The following DEAF1 variants were observed in gnomAD, a reference collection of about 807,000 sequenced individuals.
DEAF1 encodes deformed epidermal autoregulatory factor 1 homolog.
Under a neutral mutation model 58.9 loss-of-function variants are expected in DEAF1, and 53 were observed. The ratio of observed to expected loss-of-function variants is 0.90; its 90% confidence interval spans 0.72 to 1.13. DEAF1 has a LOEUF of 1.13. DEAF1 is among the 50% of genes most tolerant of loss of function. The pLI, the probability that DEAF1 is intolerant of heterozygous loss-of-function variation, is 0.00. For synonymous variants in DEAF1, 385 were observed against 340.4 expected (o/e 1.13, Z -1.44); for missense variants, 685 against 791.4 (o/e 0.87, Z 1.61).
rs571891230 is a variant in DEAF1, at chr11:661,935, C to T, written c.1504-7884G>A. 2.6e-4 allele frequency among the ~76,000 whole-genome samples: 40 copies of T among 152,312 alleles called. 1 individual carries two copies. Among genetic ancestry groups the T allele is most frequent in the Admixed American group, 3.9e-4 (6 of 15,304 alleles). On this transcript the variant is annotated intron_variant, in intron 10 of 11. Coordinates refer to ENST00000382409, the MANE Select transcript of DEAF1 (RefSeq NM_021008.4). The stretch of plus-strand genomic sequence containing the variant: ...GCACAAAGCAAGCTTGTCCAACCCA[C>T]AGCCCGCGGGCTGCATGCAGCCCAG...
intron 10 of DEAF1, among the ~76,000 whole-genome samples, chr11:662,107 G>A (rs1388803296): frequency 6.6e-6 from 1 of 152,128 alleles, no homozygotes; most frequent in Non-Finnish European, 1.5e-5. Context: ...GACCAGCCTG[G>A]CCAACATGGC....
intron 1 of DEAF1, chr11:704,022 C>T: frequency 8.4e-7 from 1 of 1,196,518 alleles, no homozygotes; most frequent in Non-Finnish European, 1.0e-6. Flanking sequence ...TTTCCCTTCA[C>T]TTGATTCTAT....
intron 7 of DEAF1, 130 bp downstream of exon 7, chr11:680,833 T>C: frequency 2.2e-6 from 3 of 1,360,028 alleles, no homozygotes; most frequent in East Asian, 2.4e-5. Context: ...TGTGATGGCG[T>C]TGGAATCCCT....
At chr11:662,356 A>G (rs959952301) in intron 10 of DEAF1, among the ~76,000 whole-genome samples, 1 of 152,210 alleles carries the variant, frequency 6.6e-6, no homozygotes, top group Non-Finnish European at 1.5e-5. Context: ...CCCAGGGAAG[A>G]GAAAAGATTG....
Position 657,138 on chromosome 11 carries a change from C to T in DEAF1, c.1504-3087G>A, listed in dbSNP as rs546703276. 3.3e-5 allele frequency among the ~76,000 whole-genome samples: 5 copies of T among 152,226 alleles called. No individual in the cohort carries two copies. In the South Asian group the frequency reaches 1.0e-3, roughly 32 times the overall value. On this transcript the variant is annotated intron_variant, in intron 10 of 11. Transcript: ENST00000382409. ...CCTGGCACCCACCTGGCACCCAGGC[C>T]TCACTCTCTAAGACTTCCCAATAAA...
chr11:653,878 G>A, intron 11 of DEAF1, 84 bp downstream of exon 11: 1 of 1,204,822 alleles, frequency 8.3e-7, no homozygotes, highest in Non-Finnish European at 1.2e-6. Context: ...GGCACCAGGA[G>A]CACAAGGGGA....
At chr11:706,708 C>T (rs1266713257) in exon 1 of DEAF1, 4 of 152,278 alleles carry the variant, frequency 2.6e-5, no homozygotes, top group Non-Finnish European at 4.4e-5. Flanking sequence ...GTGGAGGTAG[C>T]ACTGCACACC....
At chr11:648,156 T>C (rs1029831413) in intron 11 of DEAF1, among the ~76,000 whole-genome samples, 8 of 151,812 alleles carry the variant, frequency 5.3e-5, no homozygotes, top group South Asian at 2.1e-4. Flanking sequence ...TTTGTGTACA[T>C]ACCAAGTCCT....
intron 10 of DEAF1, among the ~76,000 whole-genome samples, chr11:661,847 G>C (rs566440895): frequency 6.6e-6 from 1 of 152,318 alleles, no homozygotes; most frequent in African/African-American, 2.4e-5. Context: ...TCCATTCAGA[G>C]ACAGCAGTGT....
intron 1 of DEAF1, among the ~76,000 whole-genome samples, chr11:702,554 T>G (rs1344487448): frequency 2.0e-5 from 3 of 152,250 alleles, no homozygotes; most frequent in Admixed American, 6.5e-5. Flanking sequence ...AGAACTGGCC[T>G]TGGACCAGAG....
chr11:695,937 C>T, upstream of DEAF1: 1 of 1,003,324 alleles, frequency 1.0e-6, no homozygotes, highest in Non-Finnish European at 1.3e-6. Flanking sequence ...TTTCGGTGCG[C>T]TCACGGGGCC....
intron 9 of DEAF1, among the ~76,000 whole-genome samples, chr11:677,704 C>A (rs28415441): frequency 9.8e-6 from 1 of 102,454 alleles, no homozygotes; most frequent in Middle Eastern, 5.6e-3. Context: ...CCTGTAATCC[C>A]AGCACTTTGG....
chr11:681,417 T>C lies in DEAF1; in HGVS notation c.871-328A>G, dbSNP rs1360308255. ...CGGCTAATTTTCTTTCTTTCTTTTT[T>C]TTTTTTTTTTTGAGACAGAGTCTCG... On this transcript the variant is annotated intron_variant, in intron 6 of 11. Transcript: ENST00000382409. Among the ~76,000 whole-genome samples, 5 of 150,590 alleles carry C rather than the reference T, an allele frequency of 3.3e-5. No individual in the cohort carries two copies. In the East Asian group the frequency reaches 5.8e-4, roughly 18 times the overall value.
chr11:686,281 G>A (rs1435075307), intron 5 of DEAF1, among the ~76,000 whole-genome samples: 3 of 132,906 alleles, frequency 2.3e-5, no homozygotes, highest in African/African-American at 8.2e-5. Context: ...AACAGGGTGA[G>A]ACTCTGTCTC....
intron 1 of DEAF1, chr11:703,841 C>G: frequency 8.1e-7 from 1 of 1,236,032 alleles, no homozygotes; most frequent in East Asian, 3.1e-5. Context: ...GGGGATGAGA[C>G]TGCAGGAGAG....
intron 10 of DEAF1, among the ~76,000 whole-genome samples, chr11:667,333 AAAG>A (rs1233361903): frequency 7.0e-6 from 1 of 142,116 alleles, no homozygotes; most frequent in Admixed American, 6.9e-5. Flanking sequence ...AAGAAAGAAA[AAAG>A]AAGGAAGGAA....
intron 10 of DEAF1, among the ~76,000 whole-genome samples, chr11:660,542 A>C (rs1859275394): frequency 6.6e-6 from 1 of 152,176 alleles, no homozygotes; most frequent in African/African-American, 2.4e-5. Flanking sequence ...CCAAGCCTGC[A>C]TTTCCGGGGG....
chr11:687,138 G>A, intron 4 of DEAF1, 141 bp from the exon 5 acceptor site: 1 of 1,261,856 alleles, frequency 7.9e-7, no homozygotes, highest in Non-Finnish European at 1.1e-6. Flanking sequence ...CACATACTTG[G>A]CCCTGACAGG....
intron 11 of DEAF1, among the ~76,000 whole-genome samples, chr11:651,832 G>A (rs1333105007): frequency 1.3e-5 from 2 of 152,254 alleles, no homozygotes; most frequent in African/African-American, 4.8e-5. Flanking sequence ...CTTGCGGTGA[G>A]CTGAGATGGC....
Sources: allele counts gnomAD v4.1 joint callset (sites outside exome capture counted in the v4.1 genomes callset), GRCh38; gene constraint gnomAD v4.1.1; transcripts MANE v1.5; gene names NCBI Gene and HGNC (gene_info 2026-07-23, HGNC 2026-07-21).